Variants in NRCAM observed in about 807,000 individuals in gnomAD.
NRCAM encodes NgCAM-related cell adhesion molecule.
A neutral mutation model predicts 156.5 loss-of-function variants in NRCAM; 83 were observed. That is an observed-to-expected ratio of 0.53 (90% CI 0.44 to 0.64). The LOEUF (loss-of-function observed/expected upper bound fraction) is 0.64. Among genes scored for constraint, NRCAM ranks in the 30% least tolerant of loss-of-function variants. NRCAM has a pLI of 0.00. For missense variants in NRCAM, 1,417 were observed against 1,597.3 expected (o/e 0.89, Z 1.92); for synonymous variants, 538 against 563.9 (o/e 0.95, Z 0.65).
intron 20 of NRCAM, among the ~76,000 whole-genome samples, chr7:108,185,573 A>G (rs1470000429): frequency 6.6e-6 from 1 of 151,976 alleles, no homozygotes; most frequent in African/African-American, 2.4e-5. Context: ...CAGAAAGTTA[A>G]CTGGGTGTGG....
At chr7:108,359,308 T>C (rs1188865907) in intron 2 of NRCAM, among the ~76,000 whole-genome samples, 3 of 152,172 alleles carry the variant, frequency 2.0e-5, no homozygotes, top group Admixed American at 1.3e-4. Context: ...GTGAGCACTA[T>C]AAACATAGCA....
chr7:108,268,770 G>T (rs1045499418), intron 3 of NRCAM, among the ~76,000 whole-genome samples: 1 of 152,176 alleles, frequency 6.6e-6, no homozygotes, highest in African/African-American at 2.4e-5. Flanking sequence ...GGGAAGAAAT[G>T]CTGATGGCAG....
chr7:108,225,203 A>T (rs988593052), intron 10 of NRCAM, among the ~76,000 whole-genome samples: 1 of 152,212 alleles, frequency 6.6e-6, no homozygotes, highest in Non-Finnish European at 1.5e-5. Context: ...TGTCACATGA[A>T]AACAGATGAC....
At chr7:108,380,055 A>AG (rs1296464311) in intron 2 of NRCAM, among the ~76,000 whole-genome samples, 10 of 152,228 alleles carry the variant, frequency 6.6e-5, no homozygotes, top group Non-Finnish European at 1.3e-4. Flanking sequence ...AGACATATTA[A>AG]GATAAAACTA....
At chr7:108,168,771 G>A (rs2056584696) in intron 28 of NRCAM, among the ~76,000 whole-genome samples, 1 of 152,178 alleles carries the variant, frequency 6.6e-6, no homozygotes, top group Non-Finnish European at 1.5e-5. Flanking sequence ...ACGTCATCAT[G>A]GAATGTCAGA....
intron 1 of NRCAM, among the ~76,000 whole-genome samples, chr7:108,444,608 G>T (rs1437416748): frequency 6.6e-6 from 1 of 152,164 alleles, no homozygotes; most frequent in Non-Finnish European, 1.5e-5. Context: ...CTAGTGGTTT[G>T]CTGGCAACCT....
Position 108,226,307 on chromosome 7 carries a change from G to A in NRCAM, c.622C>T (p.Leu208Phe), listed in dbSNP as rs2093431515. 9.3e-6 allele frequency: 15 copies of A among 1,609,718 alleles called. No individual in the cohort carries two copies. The highest frequency in any genetic ancestry group is 4.0e-5 in the African/African-American group (3 of 74,774). Residue 208 changes from leucine to phenylalanine, a missense_variant, in exon 9 of 33, where the codon CTC (leucine) becomes TTC (phenylalanine). Transcript: ENST00000379028. Reference sequence around the variant, plus strand: ...TAGTCTTCGCGGGTGTCCTCTGGGAGGACATTGGAAAAATAAAGGTCCCCA... The same window carrying A: ...TAGTCTTCGCGGGTGTCCTCTGGGAAGACATTGGAAAAATAAAGGTCCCCA... The part of the protein sequence containing the change: ...LNGDLYFSNV[L>F]PEDTREDYIC...
At chr7:108,176,166 A>G (rs2060421194) in intron 27 of NRCAM, among the ~76,000 whole-genome samples, 1 of 152,154 alleles carries the variant, frequency 6.6e-6, no homozygotes, top group South Asian at 2.1e-4. Flanking sequence ...TGAACTTCAA[A>G]TTCAAGTGTG....
At chr7:108,188,334 A>G (rs1466092147) in intron 20 of NRCAM, among the ~76,000 whole-genome samples, 1 of 152,038 alleles carries the variant, frequency 6.6e-6, no homozygotes, top group African/African-American at 2.4e-5. Flanking sequence ...CTGTGGGTTA[A>G]CACTCCTTAC....
intron 2 of NRCAM, among the ~76,000 whole-genome samples, chr7:108,370,108 C>A (rs192947594): frequency 2.0e-5 from 3 of 152,196 alleles, no homozygotes; most frequent in Admixed American, 2.0e-4. Context: ...AACTGTAGTT[C>A]TCTATACTTA....
chr7:108,166,922 T>G lies in NRCAM; in HGVS notation c.3465A>C (p.Pro1155=), dbSNP rs745876645. 6.2e-6 allele frequency: 10 copies of G among 1,613,596 alleles called. No individual in the cohort carries two copies. The highest frequency in any genetic ancestry group is 8.5e-6 in the Non-Finnish European group (10 of 1,179,810). The part of the protein sequence containing the change: ...VSSEDVFETG[P]AMASRQVDIA... The stretch of plus-strand genomic sequence containing the variant: ...GAACAGGTGTGGTGTGAGCCTCACC[T>G]GGGCCTGTCTCAAACACATCCTCTG... The change falls in exon 30 of 33, where the codon CCA becomes CCC. Residue 1155 remains proline, a splice_region_variant and synonymous_variant. Coordinates refer to ENST00000379028, the MANE Select transcript of NRCAM (RefSeq NM_001037132.4).
intron 4 of NRCAM, among the ~76,000 whole-genome samples, chr7:108,238,923 T>C (rs1010172205): frequency 4.0e-5 from 6 of 151,706 alleles, no homozygotes; most frequent in South Asian, 2.1e-4. Flanking sequence ...TCTATGGTAA[T>C]AATAAATAAT....
chr7:108,148,820 C>A lies in NRCAM; in HGVS notation c.*1090G>T, dbSNP rs1313490440. 1 of 152,262 alleles carries A rather than the reference C, an allele frequency of 6.6e-6. No individual in the cohort carries two copies. The highest frequency in any genetic ancestry group is 1.5e-5 in the Non-Finnish European group (1 of 68,040). The allele number at this position is 152,262 out of a possible 1,614,324, so 9.4% of individuals were successfully genotyped here. ...CTTTCTTACTGAATGTAATAGAAAC[C>A]ATAAAGGACCACAAAATCATCATGT... On this transcript the variant is annotated 3_prime_UTR_variant, in exon 33 of 33. Transcript: ENST00000379028.
At chr7:108,370,780 C>G (rs2099623319) in intron 2 of NRCAM, among the ~76,000 whole-genome samples, 1 of 152,060 alleles carries the variant, frequency 6.6e-6, no homozygotes, top group Non-Finnish European at 1.5e-5. Flanking sequence ...TAATTTTAAG[C>G]CTAGTCAAGA....
At chr7:108,316,160 G>A (rs2098917067) in intron 2 of NRCAM, among the ~76,000 whole-genome samples, 1 of 152,164 alleles carries the variant, frequency 6.6e-6, no homozygotes, top group African/African-American at 2.4e-5. Flanking sequence ...ATGGATTCAC[G>A]TCAATATTGT....
rs189798873 is a variant in NRCAM at position 108,219,652 on chromosome 7, C to G, written c.890+4073G>C. Among the ~76,000 whole-genome samples, 250 of 152,222 alleles carry G rather than the reference C, an allele frequency of 1.6e-3. 1 individual carries two copies. The highest frequency in any genetic ancestry group is 3.0e-3 in the Non-Finnish European group (207 of 67,994). On this transcript the variant is annotated intron_variant, in intron 11 of 32. Coordinates refer to ENST00000379028, the MANE Select transcript of NRCAM (RefSeq NM_001037132.4). ...AAAGTATCTGATAAAATCCAGCATC[C>G]CTTTATTATTAAAACTTTCAGCAAA...
At chr7:108,157,005 G>T (rs900699824) in intron 32 of NRCAM, among the ~76,000 whole-genome samples, 1 of 152,096 alleles carries the variant, frequency 6.6e-6, no homozygotes, top group Non-Finnish European at 1.5e-5. Context: ...GGACAAAGCC[G>T]TATCTTTGTA....
At position 108,299,105 on chromosome 7, in the gene NRCAM, C is replaced by CAAAAAAAAAAAAAAAAAAA. The variant is rs1292917918; in HGVS notation, c.-107+13559_-107+13560insTTTTTTTTTTTTTTTTTTT. 1.8e-4 allele frequency among the ~76,000 whole-genome samples: 3 copies of CAAAAAAAAAAAAAAAAAAA among 16,954 alleles called. 1 individual carries two copies. The highest frequency in any genetic ancestry group is 3.5e-4 in the Non-Finnish European group (3 of 8,688). The allele number at this position is 16,954 out of a possible 152,430, so 11.1% of individuals were successfully genotyped here. On this transcript the variant is annotated intron_variant, in intron 3 of 32. Coordinates refer to ENST00000379028, the MANE Select transcript of NRCAM (RefSeq NM_001037132.4). ...TGGGCCACAGAGCAAGACTCCATCT[C>CAAAAAAAAAAAAAAAAAAA]AAAAAAAAAAAAGAAAGAAAGAAAG...
intron 28 of NRCAM, among the ~76,000 whole-genome samples, chr7:108,172,507 G>T (rs1422350005): frequency 6.6e-6 from 1 of 152,162 alleles, no homozygotes; most frequent in Non-Finnish European, 1.5e-5. Context: ...TGTTGGCCAG[G>T]CTGGTCTCGA....
Sources: gnomAD v4.1 joint callset for allele counts (sites outside exome capture counted in the v4.1 genomes callset) on GRCh38, gnomAD v4.1.1 for gene constraint, MANE v1.5 for transcripts, NCBI Gene and HGNC (gene_info 2026-07-23, HGNC 2026-07-21) for gene names.